Variants in PAPPA2 observed in about 807,000 individuals in gnomAD.
PAPPA2 encodes the protein pappalysin 2, also known as pappalysin-2.
A neutral mutation model predicts 176.4 loss-of-function variants in PAPPA2; 86 were observed. The observed-to-expected ratio is 0.49, with a 90% confidence interval of 0.41 to 0.58. PAPPA2 has a LOEUF of 0.58. Among genes scored for constraint, PAPPA2 ranks in the 20% least tolerant of loss-of-function variants. The pLI is 0.00. For synonymous variants in PAPPA2, 809 were observed against 852.2 expected, an observed-to-expected ratio of 0.95 and a Z score of 0.88; for missense variants, 2,073 against 2,256.9, an observed-to-expected ratio of 0.92 and a Z score of 1.65.
chr1:176,608,669 C>T (rs926220202), intron 3 of PAPPA2, among the ~76,000 whole-genome samples: 2 of 152,086 alleles, frequency 1.3e-5, no homozygotes, highest in Admixed American at 6.5e-5. Context: ...GCTCTCTTAT[C>T]GAACACCCTA....
chr1:176,739,819 G>T (rs1276758316), intron 13 of PAPPA2, 58 bp downstream of exon 13: 2 of 1,596,260 alleles, frequency 1.3e-6, no homozygotes, highest in South Asian at 1.1e-5. Context: ...AGACCCAGAA[G>T]TCAGCTTGAT....
At chr1:176,532,864 C>T (rs919126702) in intron 1 of PAPPA2, among the ~76,000 whole-genome samples, 6 of 152,204 alleles carry the variant, frequency 3.9e-5, no homozygotes, top group Non-Finnish European at 1.5e-5. Context: ...TATAATCACT[C>T]AATTCCACAC....
intron 14 of PAPPA2, among the ~76,000 whole-genome samples, chr1:176,761,473 G>T (rs1370953060): frequency 6.6e-6 from 1 of 152,188 alleles, no homozygotes; most frequent in Non-Finnish European, 1.5e-5. Context: ...CACTGGGCAG[G>T]ACATCGTGCA....
intron 21 of PAPPA2, among the ~76,000 whole-genome samples, chr1:176,814,086 A>G (rs1388391090): frequency 1.3e-5 from 2 of 152,102 alleles, no homozygotes; most frequent in African/African-American, 2.4e-5. Flanking sequence ...TGAAGATCAG[A>G]TGGTTGTAGG....
At chr1:176,662,095 T>C (rs1010002851) in intron 3 of PAPPA2, among the ~76,000 whole-genome samples, 2 of 152,116 alleles carry the variant, frequency 1.3e-5, no homozygotes, top group South Asian at 2.1e-4. Context: ...TTGCAGATAA[T>C]AAGGGAAACG....
At chr1:176,828,826 A>AC in intron 21 of PAPPA2, among the ~76,000 whole-genome samples, 1 of 151,996 alleles carries the variant, frequency 6.6e-6, no homozygotes, top group South Asian at 2.1e-4. Flanking sequence ...ACATGGTGAA[A>AC]CCCCGTCTCT....
chr1:176,584,557 T>C (rs1653187773), intron 2 of PAPPA2, among the ~76,000 whole-genome samples: 1 of 152,154 alleles, frequency 6.6e-6, no homozygotes, highest in South Asian at 2.1e-4. Context: ...AGGCAACATA[T>C]AGTTGGATCT....
At chr1:176,528,772 A>G (rs1052074579) in intron 1 of PAPPA2, among the ~76,000 whole-genome samples, 3 of 152,068 alleles carry the variant, frequency 2.0e-5, no homozygotes, top group African/African-American at 7.2e-5. Context: ...TTTCTTCCAC[A>G]TACCTTTTCC....
chr1:176,780,750 AAT>A (rs1664673216), intron 17 of PAPPA2, among the ~76,000 whole-genome samples: 2 of 152,132 alleles, frequency 1.3e-5, no homozygotes, highest in Non-Finnish European at 2.9e-5. Flanking sequence ...GTGCTCAATA[AAT>A]ATTTGTTGAA....
chr1:176,580,419 A>C (rs1273600086), intron 2 of PAPPA2, among the ~76,000 whole-genome samples: 1 of 152,194 alleles, frequency 6.6e-6, no homozygotes, highest in South Asian at 2.1e-4. Context: ...GTTGTTGGGC[A>C]CTGGGGTTGA....
At chr1:176,794,805 T>C (rs1665354725) in intron 20 of PAPPA2, among the ~76,000 whole-genome samples, 1 of 150,496 alleles carries the variant, frequency 6.6e-6, no homozygotes, top group Admixed American at 6.6e-5. Flanking sequence ...GATGTAAGGG[T>C]TTGAAGTTTT....
chr1:176,561,461 T>C (rs953498007), intron 2 of PAPPA2, among the ~76,000 whole-genome samples: 4 of 152,212 alleles, frequency 2.6e-5, no homozygotes, highest in African/African-American at 9.6e-5. Context: ...TTAGGTGGAA[T>C]ATTCACTTTA....
At chr1:176,638,576 A>T (rs1312287097) in intron 3 of PAPPA2, among the ~76,000 whole-genome samples, 1 of 151,980 alleles carries the variant, frequency 6.6e-6, no homozygotes, top group Non-Finnish European at 1.5e-5. Context: ...CATTCTCAGG[A>T]AAGAGGGAAG....
chr1:176,468,590 A>G (rs1651734547), intron 1 of PAPPA2, among the ~76,000 whole-genome samples: 1 of 152,184 alleles, frequency 6.6e-6, no homozygotes, highest in Non-Finnish European at 1.5e-5. Flanking sequence ...CAGGGGGTTC[A>G]GAGGCAGGTG....
At chr1:176,553,060 G>T (rs754992215) in intron 1 of PAPPA2, among the ~76,000 whole-genome samples, 1 of 152,026 alleles carries the variant, frequency 6.6e-6, no homozygotes, top group Non-Finnish European at 1.5e-5. Flanking sequence ...TGGGTGCTGT[G>T]CAAGCCTGAC....
chr1:176,739,563 A>G (rs1285860472), intron 12 of PAPPA2, 63 bp from the exon 13 acceptor site: 23 of 1,510,530 alleles, frequency 1.5e-5, no homozygotes, highest in Non-Finnish European at 1.8e-5. Flanking sequence ...TAAAAATTGT[A>G]TAGCACATGT....
At chr1:176,684,105 A>G (rs1460780278) in intron 4 of PAPPA2, among the ~76,000 whole-genome samples, 1 of 152,190 alleles carries the variant, frequency 6.6e-6, no homozygotes, top group African/African-American at 2.4e-5. Context: ...GCAGAGGCTT[A>G]GAAAACCCCA....
chr1:176,811,002 G>GTA (rs1666123965), intron 21 of PAPPA2, among the ~76,000 whole-genome samples: 1 of 152,016 alleles, frequency 6.6e-6, no homozygotes, highest in East Asian at 1.9e-4. Flanking sequence ...TTTTCTATCT[G>GTA]TAAGACTTCT....
At chr1:176,812,074 C>T (rs1412889836) in intron 21 of PAPPA2, among the ~76,000 whole-genome samples, 2 of 152,234 alleles carry the variant, frequency 1.3e-5, no homozygotes, top group South Asian at 2.1e-4. Flanking sequence ...CTCTGACAGG[C>T]TGCATTTTTG....
Sources: gnomAD v4.1 joint callset for allele counts (sites outside exome capture counted in the v4.1 genomes callset) on GRCh38, gnomAD v4.1.1 for gene constraint, MANE v1.5 for transcripts, NCBI Gene and HGNC (gene_info 2026-07-23, HGNC 2026-07-21) for gene names.